The following LINGO2 variants were observed in gnomAD, a reference collection of about 807,000 sequenced individuals.
LINGO2 encodes the protein leucine-rich repeat and immunoglobulin-like domain-containing nogo receptor-interacting protein 2.
LINGO2 carries 14 observed loss-of-function variants against 30.6 expected under a neutral mutation model. That is an observed-to-expected ratio of 0.46 (90% CI 0.30 to 0.72). The LOEUF (loss-of-function observed/expected upper bound fraction) is 0.72, where lower values mean the gene tolerates loss of function less well. Ranked by LOEUF, LINGO2 falls within the 30% of genes least tolerant of loss-of-function variation. The pLI is 0.07. For synonymous variants in LINGO2, 317 were observed against 288.5 expected, an observed-to-expected ratio of 1.10 and a Z score of -1.00; for missense variants, 729 against 751.7, an observed-to-expected ratio of 0.97 and a Z score of 0.35.
chr9:29,095,447 A>AATG, the LINGO2 span, among the ~76,000 whole-genome samples: 1 of 137,954 alleles, frequency 7.2e-6, no homozygotes, highest in African/African-American at 2.7e-5. Flanking sequence ...TAATAATAAT[A>AATG]ATAAACACAA....
chr9:27,947,802 C>T (rs1052381478), downstream of LINGO2, among the ~76,000 whole-genome samples: 1 of 152,194 alleles, frequency 6.6e-6, no homozygotes, highest in African/African-American at 2.4e-5. Context: ...ATTCAGAGAG[C>T]TTTTGAACAT....
the LINGO2 span, among the ~76,000 whole-genome samples, chr9:28,698,794 C>G: frequency 1.3e-5 from 2 of 151,950 alleles, no homozygotes; most frequent in Admixed American, 1.3e-4. Flanking sequence ...GTCATCTAAA[C>G]ACTTTGGGAG....
chr9:28,770,499 T>A, the LINGO2 span, among the ~76,000 whole-genome samples: 2 of 152,160 alleles, frequency 1.3e-5, no homozygotes, highest in African/African-American at 4.8e-5. Context: ...CTGGTTGCTA[T>A]GTCATTTTAC....
At chr9:28,052,567 G>A (rs957600701) in intron 4 of LINGO2, among the ~76,000 whole-genome samples, 3 of 152,048 alleles carry the variant, frequency 2.0e-5, no homozygotes, top group Non-Finnish European at 4.4e-5. Context: ...CCTTTACCTG[G>A]AAGCAGCAGA....
the LINGO2 span, among the ~76,000 whole-genome samples, chr9:28,879,315 A>T: frequency 3.3e-5 from 5 of 152,276 alleles, no homozygotes; most frequent in African/African-American, 7.2e-5. Context: ...AGGCATATGG[A>T]TAATATGTAG....
intron 4 of LINGO2, among the ~76,000 whole-genome samples, chr9:28,290,235 G>A (rs1326835059): frequency 6.6e-6 from 1 of 152,120 alleles, no homozygotes; most frequent in African/African-American, 2.4e-5. Context: ...ACTATTCTAG[G>A]CTAATATTTA....
intron 1 of LINGO2, among the ~76,000 whole-genome samples, chr9:28,611,386 T>C (rs1825908645): frequency 6.6e-6 from 1 of 151,744 alleles, no homozygotes; most frequent in Non-Finnish European, 1.5e-5. Flanking sequence ...GTGAGAGCAT[T>C]AAATGTGAGA....
chr9:28,876,298 G>A, the LINGO2 span, among the ~76,000 whole-genome samples: 4 of 151,732 alleles, frequency 2.6e-5, no homozygotes, highest in Non-Finnish European at 5.9e-5. Flanking sequence ...TGTGCACAAT[G>A]TGCAGGTTAG....
At chr9:28,479,826 A>T (rs1825865501) in intron 1 of LINGO2, among the ~76,000 whole-genome samples, 1 of 140,320 alleles carries the variant, frequency 7.1e-6, no homozygotes, top group East Asian at 2.1e-4. Context: ...GAATGTCTTA[A>T]CTACTGGAAC....
the LINGO2 span, among the ~76,000 whole-genome samples, chr9:28,812,782 T>C: frequency 6.6e-6 from 1 of 152,138 alleles, no homozygotes; most frequent in African/African-American, 2.4e-5. Flanking sequence ...ATGGTCTTAA[T>C]AGCTGAGATC....
At chr9:28,984,559 G>T in the LINGO2 span, among the ~76,000 whole-genome samples, 1 of 151,940 alleles carries the variant, frequency 6.6e-6, no homozygotes, top group Admixed American at 6.6e-5. Context: ...AATTACTATT[G>T]TACTGTTTGG....
chr9:28,650,035 G>GAA (rs1828021321), intron 1 of LINGO2, among the ~76,000 whole-genome samples: 1 of 150,348 alleles, frequency 6.7e-6, no homozygotes, highest in East Asian at 2.0e-4. Flanking sequence ...TACTGGCAGG[G>GAA]GAAAAAAAAA....
At chr9:28,477,604 A>G (rs1825780788) in intron 1 of LINGO2, among the ~76,000 whole-genome samples, 1 of 152,138 alleles carries the variant, frequency 6.6e-6, no homozygotes, top group African/African-American at 2.4e-5. Context: ...TTTCTTTTCC[A>G]TGTGATTTTA....
At chr9:28,556,620 T>G (rs1378287378) in intron 1 of LINGO2, among the ~76,000 whole-genome samples, 1 of 152,050 alleles carries the variant, frequency 6.6e-6, no homozygotes, top group South Asian at 2.1e-4. Flanking sequence ...TACCAATGAC[T>G]TTCTTCACAG....
At chr9:28,562,856 A>T (rs993659449) in intron 1 of LINGO2, among the ~76,000 whole-genome samples, 8 of 151,904 alleles carry the variant, frequency 5.3e-5, no homozygotes, top group Non-Finnish European at 1.0e-4. Context: ...TTATTTATTT[A>T]TTTATTTTGG....
intron 4 of LINGO2, among the ~76,000 whole-genome samples, chr9:28,117,205 C>T (rs1243668134): frequency 6.6e-6 from 1 of 151,930 alleles, no homozygotes; most frequent in African/African-American, 2.4e-5. Context: ...TGGGGGGTGC[C>T]TCCCAGTTAG....
the LINGO2 span, among the ~76,000 whole-genome samples, chr9:29,188,370 G>T: frequency 1.3e-5 from 2 of 151,922 alleles, no homozygotes; most frequent in East Asian, 1.9e-4. Flanking sequence ...CAAGGCAGAA[G>T]AATTTTTCTT....
chr9:28,163,570 A>G (rs1828345694), intron 4 of LINGO2, among the ~76,000 whole-genome samples: 1 of 152,196 alleles, frequency 6.6e-6, no homozygotes, highest in African/African-American at 2.4e-5. Flanking sequence ...AGGAGTAATG[A>G]GTAGATAGAT....
At chr9:28,986,365 G>C in the LINGO2 span, among the ~76,000 whole-genome samples, 2 of 151,846 alleles carry the variant, frequency 1.3e-5, no homozygotes, top group Non-Finnish European at 2.9e-5. Flanking sequence ...CAAGGTTTTT[G>C]AGAATTCCAA....
Sources: allele counts gnomAD v4.1 joint callset (sites outside exome capture counted in the v4.1 genomes callset), GRCh38; gene constraint gnomAD v4.1.1; transcripts MANE v1.5; gene names NCBI Gene and HGNC (gene_info 2026-07-23, HGNC 2026-07-21).